Variants in EYA1 observed in about 807,000 individuals in gnomAD.
The protein encoded by EYA1 is EYA transcriptional coactivator and phosphatase 1.
A neutral mutation model predicts 82.0 loss-of-function variants in EYA1; 16 were observed. The ratio of observed to expected loss-of-function variants is 0.20; its 90% CI spans 0.13 to 0.30. EYA1 has a LOEUF of 0.30. Ranked by LOEUF, EYA1 falls within the 10% of genes least tolerant of loss-of-function variation. The pLI is 1.00. For synonymous variants in EYA1, 261 were observed against 264.4 expected, an observed-to-expected ratio of 0.99 and a Z score of 0.12; for missense variants, 633 against 730.7, an observed-to-expected ratio of 0.87 and a Z score of 1.54.
intron 9 of EYA1, among the ~76,000 whole-genome samples, chr8:71,292,773 G>A (rs1419169156): frequency 3.3e-5 from 5 of 151,882 alleles, no homozygotes; most frequent in Admixed American, 6.6e-5. Context: ...AGAACCCATC[G>A]AATTCTGTGA....
At chr8:71,530,088 A>G (rs1218139700) in intron 2 of EYA1, among the ~76,000 whole-genome samples, 1 of 152,204 alleles carries the variant, frequency 6.6e-6, no homozygotes. Context: ...TTATTTGGAA[A>G]TAGGGTCTTT....
At chr8:71,273,548 G>A (rs928167189) in intron 9 of EYA1, among the ~76,000 whole-genome samples, 4 of 152,208 alleles carry the variant, frequency 2.6e-5, no homozygotes, top group Admixed American at 2.0e-4. Flanking sequence ...AGAATTTTAA[G>A]TAGTCAAGTG....
At chr8:71,445,490 T>A (rs558789023) in intron 2 of EYA1, among the ~76,000 whole-genome samples, 5 of 152,228 alleles carry the variant, frequency 3.3e-5, no homozygotes, top group Non-Finnish European at 7.3e-5. Flanking sequence ...TCTGGCTTGA[T>A]ACCTAGTGAC....
At chr8:71,512,189 G>C (rs762491683) in intron 2 of EYA1, among the ~76,000 whole-genome samples, 1 of 152,104 alleles carries the variant, frequency 6.6e-6, no homozygotes, top group South Asian at 2.1e-4. Context: ...GTAATCACTA[G>C]CTTCTCCATA....
At chr8:71,389,170 G>GA (rs1179377778) in intron 2 of EYA1, among the ~76,000 whole-genome samples, 1 of 151,440 alleles carries the variant, frequency 6.6e-6, no homozygotes, top group East Asian at 1.9e-4. Context: ...TTTTAATGGG[G>GA]AAAAAAAATT....
intron 2 of EYA1, among the ~76,000 whole-genome samples, chr8:71,534,579 G>T (rs1184418663): frequency 6.6e-6 from 1 of 152,158 alleles, no homozygotes; most frequent in Admixed American, 6.5e-5. Context: ...AAACACAACA[G>T]TGTTACTAAA....
Position 71,448,025 on chromosome 8 carries a change from T to TTTTTTTTTTTTTTTTTTAGGTAACGGAG in EYA1, c.33+87718_33+87719insCTCCGTTACCTAAAAAAAAAAAAAAAAA, listed in dbSNP as rs935912194. On this transcript the variant is annotated intron_variant, in intron 2 of 18. Transcript: ENST00000643681. The stretch of plus-strand genomic sequence containing the variant: ...GTTTAAGAGCTTTTTTTTTTTTTTT[T>TTTTTTTTTTTTTTTTTTAGGTAACGGAG]TCTCGCTCCGTTGCCCAGGCTGCAG... Among the ~76,000 whole-genome samples, 976 of 116,584 alleles carry TTTTTTTTTTTTTTTTTTAGGTAACGGAG rather than the reference T, an allele frequency of 8.4e-3. 110 individuals are homozygous for TTTTTTTTTTTTTTTTTTAGGTAACGGAG. Among genetic ancestry groups the TTTTTTTTTTTTTTTTTTAGGTAACGGAG allele is most frequent in the South Asian group, 0.016 (55 of 3,512 alleles). The allele number at this position is 116,584 out of a possible 152,430, so 76.5% of individuals were successfully genotyped here. A position where few individuals can be genotyped will look rare whatever the true frequency, so the allele number is the denominator to read the frequency against.
chr8:71,227,940 A>G (rs1309516722), intron 12 of EYA1, among the ~76,000 whole-genome samples: 2 of 152,218 alleles, frequency 1.3e-5, no homozygotes, highest in African/African-American at 2.4e-5. Context: ...ATTTTCTAAT[A>G]GTAAGAAACA....
In EYA1 at chr8:71,345,928, A is replaced by G. The variant is rs950689798; in HGVS notation, c.124+8854T>C. On this transcript the variant is annotated intron_variant, in intron 3 of 17. Transcript: ENST00000340726. ...TTGAACTTCATATCTGGAGCCCTTCATCATCATCTTTGGTGTCTAAACCCC... is the reference window on the plus strand; with the variant it reads ...TTGAACTTCATATCTGGAGCCCTTCGTCATCATCTTTGGTGTCTAAACCCC... Among the ~76,000 whole-genome samples, 6 of 152,052 alleles carry G rather than the reference A, an allele frequency of 3.9e-5. No homozygotes were observed. The East Asian group carries it at 1.2e-3, about 29-fold the overall frequency.
At chr8:71,480,968 CA>C (rs1810101310) in intron 2 of EYA1, among the ~76,000 whole-genome samples, 1 of 151,962 alleles carries the variant, frequency 6.6e-6, no homozygotes, top group South Asian at 2.1e-4. Flanking sequence ...TTTTCAAAAG[CA>C]AATGTCAAAA....
At chr8:71,509,512 C>T (rs1812441693) in intron 2 of EYA1, among the ~76,000 whole-genome samples, 1 of 152,020 alleles carries the variant, frequency 6.6e-6, no homozygotes, top group Non-Finnish European at 1.5e-5. Context: ...AATTACCTGT[C>T]TAGAAGGGAA....
At chr8:71,274,228 G>A (rs566700081) in intron 9 of EYA1, among the ~76,000 whole-genome samples, 6 of 151,988 alleles carry the variant, frequency 3.9e-5, no homozygotes, top group Non-Finnish European at 8.8e-5. Context: ...ACCCACACCC[G>A]TACCTTGCAG....
chr8:71,460,475 G>A (rs1395165722), intron 2 of EYA1, among the ~76,000 whole-genome samples: 1 of 152,196 alleles, frequency 6.6e-6, no homozygotes, highest in African/African-American at 2.4e-5. Context: ...ACAAGGGCCA[G>A]TAACAAAAAG....
chr8:71,449,893 C>T (rs1038799514), intron 2 of EYA1, among the ~76,000 whole-genome samples: 1 of 152,226 alleles, frequency 6.6e-6, no homozygotes, highest in Admixed American at 6.5e-5. Context: ...ACTGCATCTT[C>T]TGCTGAGTGC....
At chr8:71,261,949 C>T (rs538954765) in intron 11 of EYA1, among the ~76,000 whole-genome samples, 3 of 152,276 alleles carry the variant, frequency 2.0e-5, no homozygotes, top group South Asian at 2.1e-4. Flanking sequence ...GCTATTAAAT[C>T]GGTCTTCCAA....
intron 2 of EYA1, among the ~76,000 whole-genome samples, chr8:71,431,719 G>A (rs1013686424): frequency 6.6e-6 from 1 of 152,140 alleles, no homozygotes; most frequent in Non-Finnish European, 1.5e-5. Flanking sequence ...GTATTAGTCT[G>A]TGTTACTGAA....
chr8:71,458,328 G>A (rs1200083830), intron 2 of EYA1, among the ~76,000 whole-genome samples: 1 of 151,842 alleles, frequency 6.6e-6, no homozygotes, highest in African/African-American at 2.4e-5. Context: ...AATTACAGGG[G>A]TACTTCCTGA....
chr8:71,382,388 A>G (rs1300437598), intron 2 of EYA1, among the ~76,000 whole-genome samples: 1 of 152,142 alleles, frequency 6.6e-6, no homozygotes, highest in Non-Finnish European at 1.5e-5. Context: ...TAACAGATAT[A>G]TGTACAATAA....
intron 2 of EYA1, chr8:71,535,694 A>G (rs1414059671): frequency 7.4e-7 from 1 of 1,351,826 alleles, no homozygotes; most frequent in African/African-American, 1.5e-5. Flanking sequence ...TGCCATGATG[A>G]TTTTAAAAGT....
Sources: allele counts gnomAD v4.1 joint callset (sites outside exome capture counted in the v4.1 genomes callset), GRCh38; gene constraint gnomAD v4.1.1; transcripts MANE v1.5; gene names NCBI Gene and HGNC (gene_info 2026-07-23, HGNC 2026-07-21).